PDZD2: variants seen among roughly 807,000 people sequenced by gnomAD.
PDZD2 encodes the protein PDZ domain containing 2.
A neutral mutation model predicts 220.7 loss-of-function variants in PDZD2; 90 were observed. That is an observed-to-expected ratio of 0.41 (90% CI 0.34 to 0.49). The LOEUF is 0.49. Among genes scored for constraint, PDZD2 ranks in the 20% least tolerant of loss-of-function variants. The pLI, the probability that PDZD2 is intolerant of heterozygous loss-of-function variation, is 0.28. For missense variants in PDZD2, 3,174 were observed against 3,608.5 expected, an observed-to-expected ratio of 0.88 and a Z score of 3.08; for synonymous variants, 1,375 against 1,450.5, an observed-to-expected ratio of 0.95 and a Z score of 1.18.
intron 2 of PDZD2, among the ~76,000 whole-genome samples, chr5:31,885,444 G>A (rs905822624): frequency 6.6e-6 from 1 of 152,120 alleles, no homozygotes; most frequent in Non-Finnish European, 1.5e-5. Flanking sequence ...CTAGAATTGT[G>A]TTCTAAAGAA....
intron 2 of PDZD2, among the ~76,000 whole-genome samples, chr5:31,868,179 C>T (rs532610587): frequency 1.3e-5 from 2 of 152,296 alleles, no homozygotes; most frequent in Admixed American, 1.3e-4. Flanking sequence ...GGCGCGGTGG[C>T]TCATGCCTGT....
chr5:31,800,356 A>G (rs543725604), intron 2 of PDZD2, among the ~76,000 whole-genome samples: 2 of 152,290 alleles, frequency 1.3e-5, no homozygotes, highest in African/African-American at 4.8e-5. Flanking sequence ...CAGTTCTCCC[A>G]GCAATGATGT....
chr5:32,009,008 G>A (rs1753073926), intron 5 of PDZD2, among the ~76,000 whole-genome samples: 1 of 152,102 alleles, frequency 6.6e-6, no homozygotes, highest in South Asian at 2.1e-4. Flanking sequence ...GGAGACAGGA[G>A]GAGGGGGATG....
chr5:31,915,612 G>A (rs1743614176), intron 2 of PDZD2, among the ~76,000 whole-genome samples: 1 of 152,194 alleles, frequency 6.6e-6, no homozygotes, highest in African/African-American at 2.4e-5. Flanking sequence ...ACAGGCCAGA[G>A]AGTTTCAAAG....
intron 6 of PDZD2, among the ~76,000 whole-genome samples, chr5:32,033,442 G>A (rs1252698187): frequency 6.6e-6 from 1 of 152,118 alleles, no homozygotes; most frequent in Admixed American, 6.5e-5. Flanking sequence ...TGTTATAAGA[G>A]GAAACAGTTC....
intron 1 of PDZD2, among the ~76,000 whole-genome samples, chr5:31,762,926 T>C (rs1340544171): frequency 2.0e-5 from 3 of 152,104 alleles, no homozygotes; most frequent in African/African-American, 7.2e-5. Context: ...TGGCCCCTTC[T>C]TCTGCCCCCG....
chr5:31,699,689 C>T (rs1372707548), intron 1 of PDZD2, among the ~76,000 whole-genome samples: 1 of 151,954 alleles, frequency 6.6e-6, no homozygotes, highest in Non-Finnish European at 1.5e-5. Flanking sequence ...CTGCAATCTC[C>T]ACCTCCCGGG....
In PDZD2 at chr5:31,838,712, C is replaced by T. The variant is rs6879063; in HGVS notation, c.476+38988C>T. ...TGACTTAGTAGAGTAGGCTGATATC[C>T]ATATAAATGTAACTCTAAAACCTCC... is the stretch of plus-strand genomic sequence containing the variant. On this transcript the variant is annotated intron_variant, in intron 2 of 24. Coordinates refer to ENST00000438447, the MANE Select transcript of PDZD2 (RefSeq NM_178140.4). Among the ~76,000 whole-genome samples, 1,062 of 152,280 alleles carry T rather than the reference C, an allele frequency of 7.0e-3. 12 individuals are homozygous for T. Among genetic ancestry groups the T allele is most frequent in the African/African-American group, 0.024 (1,004 of 41,552 alleles).
chr5:32,069,461 T>A, intron 14 of PDZD2, 108 bp from the exon 15 acceptor site: 2 of 694,758 alleles, frequency 2.9e-6, no homozygotes, highest in Non-Finnish European at 5.3e-6. Flanking sequence ...CTTGGCCCTG[T>A]GGTTTGCCTC....
intron 1 of PDZD2, among the ~76,000 whole-genome samples, chr5:31,680,703 G>C (rs1580556529): frequency 6.6e-6 from 1 of 152,092 alleles, no homozygotes; most frequent in South Asian, 2.1e-4. Flanking sequence ...CAGCCTTCTC[G>C]TCAGGACGTG....
intron 2 of PDZD2, among the ~76,000 whole-genome samples, chr5:31,881,380 T>C (rs1333779829): frequency 6.7e-6 from 1 of 149,852 alleles, no homozygotes; most frequent in Non-Finnish European, 1.5e-5. Flanking sequence ...ATATATTTTT[T>C]TTTTTTTTGA....
At chr5:31,640,323 G>GGAATGGCAGGC (rs1744900508) in intron 1 of PDZD2, among the ~76,000 whole-genome samples, 1 of 152,196 alleles carries the variant, frequency 6.6e-6, no homozygotes, top group Admixed American at 6.5e-5. Context: ...CGCAGAGACT[G>GGAATGGCAGGC]GAATGGCAGG....
chr5:32,021,057 AT>A (rs112705081), intron 6 of PDZD2, among the ~76,000 whole-genome samples: 46,199 of 143,024 alleles, frequency 0.32, 8,070 homozygotes, highest in African/African-American at 0.49. Context: ...AAGACTTGGA[AT>A]TTTTTTTTTT....
Position 31,871,107 on chromosome 5 carries a change from T to C in PDZD2, c.476+71383T>C, listed in dbSNP as rs150804871. 1.1e-4 allele frequency among the ~76,000 whole-genome samples: 17 copies of C among 152,318 alleles called. No homozygotes were observed. In the East Asian group the frequency reaches 3.1e-3, roughly 28 times the overall value. ...ATCTTTCTAAGTTAGCATTAATTTATATAATGTTTACATATTCATGTATAT... is the reference window on the plus strand; with the variant it reads ...ATCTTTCTAAGTTAGCATTAATTTACATAATGTTTACATATTCATGTATAT... On this transcript the variant is annotated intron_variant, in intron 2 of 24. Coordinates refer to ENST00000438447, the MANE Select transcript of PDZD2 (RefSeq NM_178140.4).
chr5:31,794,487 G>A (rs1399632371), intron 1 of PDZD2, among the ~76,000 whole-genome samples: 7 of 137,568 alleles, frequency 5.1e-5, no homozygotes, highest in African/African-American at 1.1e-4. Flanking sequence ...TGCAAGCTCC[G>A]CCTCCCGGGT....
At chr5:31,869,164 TTGTC>T (rs1226185601) in intron 2 of PDZD2, among the ~76,000 whole-genome samples, 1 of 152,208 alleles carries the variant, frequency 6.6e-6, no homozygotes, top group Non-Finnish European at 1.5e-5. Context: ...CAGACATGCT[TTGTC>T]TGTATCTTCC....
intron 2 of PDZD2, among the ~76,000 whole-genome samples, chr5:31,919,358 C>CT (rs11349783): frequency 6.4e-5 from 9 of 140,620 alleles, no homozygotes; most frequent in Non-Finnish European, 1.1e-4. Context: ...ATTGTCTTGT[C>CT]TTTTTTTTTT....
intron 2 of PDZD2, among the ~76,000 whole-genome samples, chr5:31,840,128 T>TGA (rs1561498648): frequency 6.6e-6 from 1 of 151,916 alleles, no homozygotes; most frequent in Admixed American, 6.6e-5. Flanking sequence ...CTCAGAATGC[T>TGA]GAGGTGTGAG....
At chr5:31,978,240 A>G (rs1749959620) in intron 2 of PDZD2, among the ~76,000 whole-genome samples, 1 of 152,178 alleles carries the variant, frequency 6.6e-6, no homozygotes, top group African/African-American at 2.4e-5. Context: ...ATTGTATTCC[A>G]TTTCTTTCTC....
Sources: gnomAD v4.1 joint callset for allele counts (sites outside exome capture counted in the v4.1 genomes callset) on GRCh38, gnomAD v4.1.1 for gene constraint, MANE v1.5 for transcripts, NCBI Gene and HGNC (gene_info 2026-07-23, HGNC 2026-07-21) for gene names.